RBFOX1: variants seen among roughly 807,000 people sequenced by gnomAD.
RBFOX1 encodes RNA binding fox-1 homolog 1.
In RBFOX1, 8 loss-of-function variants were observed where a neutral mutation model predicts 57.7. The ratio of observed to expected loss-of-function variants is 0.14; its 90% CI spans 0.08 to 0.25. The LOEUF (loss-of-function observed/expected upper bound fraction) is 0.25, where lower values mean the gene tolerates loss of function less well. RBFOX1 is among the 10% of genes least tolerant of loss of function. The pLI, the probability that RBFOX1 is intolerant of heterozygous loss-of-function variation, is 1.00. For missense variants in RBFOX1, 611 were observed against 548.5 expected, an observed-to-expected ratio of 1.11 and a Z score of -1.14; for synonymous variants, 326 against 222.4, an observed-to-expected ratio of 1.47 and a Z score of -4.15.
At position 6,504,537 on chromosome 16, in the gene RBFOX1, G is replaced by T. The variant is rs550212381; in HGVS notation, c.-63-150066G>T. On this transcript the variant is annotated intron_variant, in intron 2 of 15. Transcript: ENST00000550418. ...AGTGCAGAGGACTCAAAGTAACAGG[G>T]AGCTAGAATGAGGGATGAGTTTGCC... 7.9e-5 allele frequency among the ~76,000 whole-genome samples: 12 copies of T among 152,238 alleles called. No individual in the cohort carries two copies. In the South Asian group the frequency reaches 2.5e-3, roughly 32 times the overall value.
intron 4 of RBFOX1, among the ~76,000 whole-genome samples, chr16:7,190,529 A>G (rs948941552): frequency 7.3e-5 from 11 of 151,426 alleles, no homozygotes; most frequent in Non-Finnish European, 1.2e-4. Flanking sequence ...TCTGATCTCT[A>G]TCTGATGAGC....
intron 3 of RBFOX1, among the ~76,000 whole-genome samples, chr16:6,718,665 G>C (rs1478381422): frequency 6.6e-6 from 1 of 152,096 alleles, no homozygotes; most frequent in African/African-American, 2.4e-5. Flanking sequence ...CTTCCCCCTT[G>C]CTGTTTTTGT....
intron 3 of RBFOX1, among the ~76,000 whole-genome samples, chr16:5,748,818 T>C (rs1228664509): frequency 1.3e-5 from 2 of 152,196 alleles, no homozygotes; most frequent in Non-Finnish European, 2.9e-5. Flanking sequence ...TCTTGACTCT[T>C]TATCCAATTT....
At chr16:6,969,679 G>A (rs981386399) in intron 3 of RBFOX1, among the ~76,000 whole-genome samples, 2 of 152,248 alleles carry the variant, frequency 1.3e-5, no homozygotes, top group East Asian at 1.9e-4. Flanking sequence ...GGGAGGCGGA[G>A]GTTGCAGTGA....
At chr16:6,192,058 A>G (rs903090905) in intron 1 of RBFOX1, among the ~76,000 whole-genome samples, 2 of 152,212 alleles carry the variant, frequency 1.3e-5, no homozygotes, top group African/African-American at 4.8e-5. Flanking sequence ...CATAATTTTC[A>G]GGACTAAGGA....
intron 3 of RBFOX1, among the ~76,000 whole-genome samples, chr16:6,901,407 T>C (rs139167072): frequency 6.6e-6 from 1 of 152,098 alleles, no homozygotes; most frequent in South Asian, 2.1e-4. Context: ...CCTACTACCT[T>C]TGGGGAAGAC....
chr16:7,069,111 C>T (rs79452211), intron 4 of RBFOX1, among the ~76,000 whole-genome samples: 2,107 of 152,264 alleles, frequency 0.014, 57 homozygotes, highest in African/African-American at 0.048. Flanking sequence ...ATTATTTTAT[C>T]ACCCACTCCT....
chr16:5,944,321 G>C (rs2059347765), intron 4 of RBFOX1, among the ~76,000 whole-genome samples: 1 of 152,216 alleles, frequency 6.6e-6, no homozygotes, highest in African/African-American at 2.4e-5. Flanking sequence ...TTGAGGTTCT[G>C]AACGAGCTTA....
At chr16:7,037,354 G>T (rs2044806593) in intron 3 of RBFOX1, among the ~76,000 whole-genome samples, 2 of 144,364 alleles carry the variant, frequency 1.4e-5, no homozygotes, top group South Asian at 4.4e-4. Context: ...AGCTTCTCCT[G>T]CCTCAGCCTC....
At position 6,406,993 on chromosome 16, in the gene RBFOX1, T is replaced by C. The variant is rs144088392; in HGVS notation, c.-64+89936T>C. On this transcript the variant is annotated intron_variant, in intron 2 of 15. Transcript: ENST00000550418. ...GCCTAACTTCCTGTTTATAGGGTTCTGGAGGTCCCAATGAGATAAACTCTT... is the reference window on the plus strand; with the variant it reads ...GCCTAACTTCCTGTTTATAGGGTTCCGGAGGTCCCAATGAGATAAACTCTT... 4.9e-3 allele frequency among the ~76,000 whole-genome samples: 748 copies of C among 152,304 alleles called. 8 individuals carry two copies. The highest frequency in any genetic ancestry group is 0.017 in the African/African-American group (714 of 41,556).
intron 14 of RBFOX1, among the ~76,000 whole-genome samples, chr16:7,693,142 G>A (rs752889987): frequency 1.2e-4 from 18 of 151,948 alleles, no homozygotes; most frequent in Non-Finnish European, 1.9e-4. Flanking sequence ...AGAGGTCCCC[G>A]CATGCTTATT....
At chr16:6,723,493 AT>A (rs1371762434) in intron 3 of RBFOX1, among the ~76,000 whole-genome samples, 1 of 152,234 alleles carries the variant, frequency 6.6e-6, no homozygotes, top group Non-Finnish European at 1.5e-5. Flanking sequence ...GGTAGAAAAA[AT>A]AATACAATTA....
chr16:7,400,336 C>G (rs935939230), intron 4 of RBFOX1, among the ~76,000 whole-genome samples: 1 of 152,184 alleles, frequency 6.6e-6, no homozygotes, highest in African/African-American at 2.4e-5. Flanking sequence ...TGCCCCCTCT[C>G]TCCTCCCACT....
rs567971343 is a variant in RBFOX1, at chr16:6,395,569, A to G, written c.-64+78512A>G. On this transcript the variant is annotated intron_variant, in intron 2 of 15. Transcript: ENST00000550418. ...GCTCTGTAATGAGCTTTTTGTGTGA[A>G]AAAACATATAATTATATACAGAGTT... 3.6e-3 allele frequency among the ~76,000 whole-genome samples: 490 copies of G among 135,942 alleles called. 2 individuals are homozygous for G. Among genetic ancestry groups the G allele is most frequent in the Middle Eastern group, 7.5e-3 (2 of 266 alleles). The allele number at this position is 135,942 out of a possible 152,430, so 89.2% of individuals were successfully genotyped here.
rs531994629 is a variant in RBFOX1, at chr16:5,285,782, G to A, written c.219+45677G>A. 1.8e-4 allele frequency among the ~76,000 whole-genome samples: 28 copies of A among 151,982 alleles called. No homozygotes were observed. In the East Asian group the frequency reaches 2.9e-3, roughly 16 times the overall value. The stretch of plus-strand genomic sequence containing the variant: ...TAGACTGCAGTTTTTTTTTGTTGTT[G>A]TCGTTGCTGAGATGGAGTCTTGCTC... On this transcript the variant is annotated intron_variant, in intron 1 of 2. Transcript: ENST00000585867.
intron 5 of RBFOX1, among the ~76,000 whole-genome samples, chr16:7,566,448 G>A (rs577895240): frequency 6.6e-6 from 1 of 152,252 alleles, no homozygotes; most frequent in East Asian, 1.9e-4. Context: ...CCTTGACCTT[G>A]AAAGGCCATT....
intron 3 of RBFOX1, among the ~76,000 whole-genome samples, chr16:5,658,857 A>ATG (rs1398339008): frequency 1.4e-5 from 2 of 143,282 alleles, no homozygotes; most frequent in African/African-American, 2.6e-5. Context: ...ATGTATATAT[A>ATG]TGTGTGTGTA....
intron 3 of RBFOX1, among the ~76,000 whole-genome samples, chr16:7,043,144 C>T (rs2046745516): frequency 2.0e-5 from 3 of 152,122 alleles, no homozygotes; most frequent in South Asian, 2.1e-4. Flanking sequence ...CCTATTTACT[C>T]AGTAAGGGTT....
chr16:5,484,277 C>T (rs1462120946), intron 2 of RBFOX1, among the ~76,000 whole-genome samples: 1 of 152,222 alleles, frequency 6.6e-6, no homozygotes, highest in Admixed American at 6.5e-5. Flanking sequence ...CTGGACAGAG[C>T]CCTTCAGTTC....
Sources: gnomAD v4.1 joint callset for allele counts (sites outside exome capture counted in the v4.1 genomes callset) on GRCh38, gnomAD v4.1.1 for gene constraint, MANE v1.5 for transcripts, NCBI Gene and HGNC (gene_info 2026-07-23, HGNC 2026-07-21) for gene names.